SPP2: variants seen among roughly 807,000 people sequenced by gnomAD.
The protein encoded by SPP2 is secreted phosphoprotein 2, also known as secreted phosphoprotein 24.
In SPP2, 34 loss-of-function variants were observed where a neutral mutation model predicts 28.8. That is an observed-to-expected ratio of 1.18 (90% CI 0.90 to 1.57). SPP2 has a LOEUF of 1.57. SPP2 is among the 40% of genes most tolerant of loss of function. The pLI is 0.00. For missense variants in SPP2, 269 were observed against 263.9 expected, an observed-to-expected ratio of 1.02 and a Z score of -0.13; for synonymous variants, 96 against 89.4, an observed-to-expected ratio of 1.07 and a Z score of -0.42.
chr2:234,057,184 C>T (rs1306218088), intron 2 of SPP2, among the ~76,000 whole-genome samples: 3 of 152,154 alleles, frequency 2.0e-5, no homozygotes, highest in South Asian at 2.1e-4. Context: ...GCAGCAGCCA[C>T]GGTGATTCAC....
intron 3 of SPP2, among the ~76,000 whole-genome samples, chr2:234,059,443 T>A (rs770297941): frequency 5.9e-5 from 9 of 152,168 alleles, no homozygotes; most frequent in African/African-American, 1.4e-4. Context: ...TGTACAGCAC[T>A]GTTCCGTGGT....
At chr2:234,060,265 TG>T in intron 3 of SPP2, 103 bp from the exon 4 acceptor site, 1 of 778,272 alleles carries the variant, frequency 1.3e-6, no homozygotes, top group Non-Finnish European at 2.2e-6. Flanking sequence ...AGTTTTTCTT[TG>T]TCATTTCGTC....
chr2:234,060,547 G>C, intron 4 of SPP2, 68 bp downstream of exon 4: 1 of 1,319,632 alleles, frequency 7.6e-7, no homozygotes, highest in Non-Finnish European at 1.1e-6. Flanking sequence ...GTGAAAAACA[G>C]AGTGGTTTGC....
chr2:234,051,201 A>G, intron 2 of SPP2, 106 bp downstream of exon 2: 2 of 1,399,726 alleles, frequency 1.4e-6, no homozygotes, highest in Admixed American at 4.0e-5. Flanking sequence ...TAAAAATGAT[A>G]GTAGCTAGTC....
At chr2:234,075,646 CCTT>C (rs1469142867) in intron 7 of SPP2, among the ~76,000 whole-genome samples, 1 of 152,192 alleles carries the variant, frequency 6.6e-6, no homozygotes, top group African/African-American at 2.4e-5. Context: ...CCTCAGCTCT[CCTT>C]CTGCTCATGG....
chr2:234,067,262 G>A lies in SPP2; in HGVS notation c.538G>A (p.Asp180Asn). Reference protein sequence around the residue: ...SDESISEQFYDRSLGIMRRVL... With the variant: ...SDESISEQFYNRSLGIMRRVL... ...CGAGTCCATAAGTGAACAATTTTAT[G>A]ATCGGTCACTTGGTAAGTGATTTCT... is the stretch of plus-strand genomic sequence containing the variant. The change falls in exon 6 of 8, where the codon GAT becomes AAT. Residue 180 changes from aspartate (D) to asparagine (N), a missense_variant. By Grantham distance (23) the Asp-to-Asn change is conservative. Coordinates refer to ENST00000168148, the MANE Select transcript of SPP2 (RefSeq NM_006944.3). The A allele has an allele frequency of 6.2e-7, 1 of 1,614,048 alleles. No homozygotes were observed.
intron 2 of SPP2, among the ~76,000 whole-genome samples, chr2:234,056,628 G>A (rs1693612828): frequency 6.6e-6 from 1 of 152,034 alleles, no homozygotes; most frequent in South Asian, 2.1e-4. Context: ...CCATCAAATT[G>A]CTTTTAGGTG....
chr2:234,067,265 C>G lies in SPP2; in HGVS notation c.541C>G (p.Arg181Gly), dbSNP rs375462993. 5 of 1,613,986 alleles carry G rather than the reference C, an allele frequency of 3.1e-6. 1 individual carries two copies. In the South Asian group the frequency reaches 5.5e-5, roughly 18 times the overall value. The change falls in exon 6 of 8, where the codon CGG becomes GGG. Residue 181 changes from arginine (R) to glycine (G), a missense_variant. Coordinates refer to ENST00000168148, the MANE Select transcript of SPP2 (RefSeq NM_006944.3). ...GTCCATAAGTGAACAATTTTATGAT[C>G]GGTCACTTGGTAAGTGATTTCTTTC... ...DESISEQFYD[R>G]SLGIMRRVLP... is the part of the protein sequence containing the mutation.
intron 2 of SPP2, among the ~76,000 whole-genome samples, chr2:234,051,743 T>G (rs1693501930): frequency 6.6e-6 from 1 of 152,188 alleles, no homozygotes; most frequent in Non-Finnish European, 1.5e-5. Flanking sequence ...GATGAACATA[T>G]TTTCAAGCAA....
At chr2:234,067,081 T>C in intron 5 of SPP2, 143 bp from the exon 6 acceptor site, 1 of 784,948 alleles carries the variant, frequency 1.3e-6, no homozygotes, top group Non-Finnish European at 2.2e-6. Flanking sequence ...TTTTTCCTAT[T>C]AGTGCTGACG....
At chr2:234,054,532 C>A (rs1027214105) in intron 2 of SPP2, among the ~76,000 whole-genome samples, 1 of 152,168 alleles carries the variant, frequency 6.6e-6, no homozygotes. Context: ...TGAGGGCCCT[C>A]TTCTGGGCTG....
intron 2 of SPP2, among the ~76,000 whole-genome samples, chr2:234,053,114 G>C (rs1380085681): frequency 6.6e-6 from 1 of 152,086 alleles, no homozygotes; most frequent in Non-Finnish European, 1.5e-5. Context: ...TAGAAGAAAA[G>C]TGCAGAATTA....
At position 234,067,236 on chromosome 2, in the gene SPP2, A is replaced by T. The variant is rs771966866; in HGVS notation, c.512A>T (p.Asp171Val). 2 of 1,613,850 alleles carry T rather than the reference A, an allele frequency of 1.2e-6. No homozygotes were observed. The highest frequency in any genetic ancestry group is 1.3e-5 in the African/African-American group (1 of 74,904). ...TACTGTGTTACAGGTCTCATTTCAG[A>T]CGAGTCCATAAGTGAACAATTTTAT... is the stretch of plus-strand genomic sequence containing the variant. Reference protein sequence around the residue: ...RNNYLFGLISDESISEQFYDR... With the variant: ...RNNYLFGLISVESISEQFYDR... Residue 171 changes from aspartate (D) to valine (V), a missense_variant, in exon 6 of 8, where the codon GAC becomes GTC. Asp to Val is a radical substitution (Grantham distance 152). Transcript: ENST00000168148.
At chr2:234,064,788 CATACAAATGGAATCGTACAGCCTG>C (rs1450288149) in intron 4 of SPP2, among the ~76,000 whole-genome samples, 2 of 152,212 alleles carry the variant, frequency 1.3e-5, no homozygotes, top group Non-Finnish European at 2.9e-5. Flanking sequence ...CTGATCATTT[CATACAAATGGAATCGTACAGCCTG>C]TATTCTTTTG....
chr2:234,057,425 G>T (rs760641041), intron 2 of SPP2, among the ~76,000 whole-genome samples: 1 of 152,164 alleles, frequency 6.6e-6, no homozygotes, highest in Non-Finnish European at 1.5e-5. Flanking sequence ...ATCCTTCAAG[G>T]CTCAGTTTAA....
intron 3 of SPP2, 112 bp from the exon 4 acceptor site, chr2:234,060,256 GT>G: frequency 1.4e-6 from 1 of 731,466 alleles, no homozygotes; most frequent in Non-Finnish European, 2.3e-6. Context: ...CCTCTGTGAA[GT>G]TTTTCTTTGT....
chr2:234,054,177 TG>T (rs1166404997), intron 2 of SPP2, among the ~76,000 whole-genome samples: 1 of 151,912 alleles, frequency 6.6e-6, no homozygotes, highest in Non-Finnish European at 1.5e-5. Context: ...GCAGAGTCAG[TG>T]GGAGGGTCCT....
chr2:234,058,218 C>T (rs1274738263), intron 2 of SPP2, among the ~76,000 whole-genome samples: 1 of 152,174 alleles, frequency 6.6e-6, no homozygotes, highest in Non-Finnish European at 1.5e-5. Context: ...CAGCCTTGTG[C>T]TTTGGAACAC....
At position 234,051,085 on chromosome 2, in the gene SPP2, C is replaced by G; in HGVS notation, c.200C>G (p.Ser67Ter). ...TATCTGTTTCGGGCATTCAGAAGCT[C>G]ATTAAAAAGAGTAAGTGCAAAATGA... is the stretch of plus-strand genomic sequence containing the variant. ...SPYLFRAFRSSLKRVEVLDEN... is the reference protein window; with the variant it reads ...SPYLFRAFRS The change falls in exon 2 of 8, where the codon TCA becomes TGA. Residue 67 changes from serine to a stop codon, truncating the protein, a stop_gained. Coordinates refer to ENST00000168148, the MANE Select transcript of SPP2 (RefSeq NM_006944.3). LOFTEE classifies it high-confidence loss of function. The G allele has an allele frequency of 3.1e-6, 5 of 1,613,626 alleles. No individual in the cohort carries two copies. The highest frequency in any genetic ancestry group is 4.2e-6 in the Non-Finnish European group (5 of 1,179,634).
Sources: gnomAD v4.1 joint callset for allele counts (sites outside exome capture counted in the v4.1 genomes callset) on GRCh38, gnomAD v4.1.1 for gene constraint, MANE v1.5 for transcripts, NCBI Gene and HGNC (gene_info 2026-07-23, HGNC 2026-07-21) for gene names.